STXBP6: variants seen among roughly 807,000 people sequenced by gnomAD.
The protein encoded by STXBP6 is syntaxin binding protein 6.
Under a neutral mutation model 26.9 loss-of-function variants are expected in STXBP6, and 21 were observed. The ratio of observed to expected loss-of-function variants is 0.78; its 90% CI spans 0.55 to 1.12. The LOEUF (loss-of-function observed/expected upper bound fraction) is 1.12, where lower values mean the gene tolerates loss of function less well. STXBP6 is among the 50% of genes most tolerant of loss of function. The probability of loss-of-function intolerance (pLI) is 0.00; values close to 1 mark genes in which losing one functional copy is unlikely to be tolerated. For synonymous variants in STXBP6, 97 were observed against 92.6 expected (o/e 1.05, Z -0.27); for missense variants, 232 against 257.9 (o/e 0.90, Z 0.69).
At chr14:24,831,297 A>G (rs182782085) in intron 4 of STXBP6, among the ~76,000 whole-genome samples, 38 of 152,260 alleles carry the variant, frequency 2.5e-4, no homozygotes, top group Admixed American at 7.8e-4. Flanking sequence ...TTATATTGTA[A>G]TTATCATTTT....
chr14:25,005,306 T>C (rs752045442), intron 1 of STXBP6, among the ~76,000 whole-genome samples: 22 of 152,100 alleles, frequency 1.4e-4, no homozygotes, highest in Non-Finnish European at 2.8e-4. Flanking sequence ...GGTATAACAA[T>C]TATGAGCAGA....
chr14:24,816,606 C>A (rs1343341332), intron 5 of STXBP6: 1 of 152,062 alleles, frequency 6.6e-6, no homozygotes, highest in Non-Finnish European at 1.5e-5. Flanking sequence ...CCACGCCTCA[C>A]CCCTCCCGAG....
At chr14:25,041,127 C>T (rs1014762100) in intron 1 of STXBP6, among the ~76,000 whole-genome samples, 10 of 152,048 alleles carry the variant, frequency 6.6e-5, no homozygotes, top group Admixed American at 6.6e-4. Context: ...TCGAGACCAG[C>T]CTGGCCAACA....
At position 25,000,284 on chromosome 14, in the gene STXBP6, C is replaced by T. The variant is rs528317851; in HGVS notation, c.-32-25434G>A. 2.0e-5 allele frequency among the ~76,000 whole-genome samples: 3 copies of T among 151,832 alleles called. No homozygotes were observed. The South Asian group carries it at 6.2e-4, about 32-fold the overall frequency. ...TTCACCATGTTAGCCAGGATGGTCT[C>T]GATCTCCTGACCTCGTGATACGCCC... On this transcript the variant is annotated intron_variant, in intron 1 of 5. Coordinates refer to ENST00000323944, the MANE Select transcript of STXBP6 (RefSeq NM_001394410.1).
At chr14:24,892,069 G>A (rs2070808318) in intron 2 of STXBP6, among the ~76,000 whole-genome samples, 1 of 152,142 alleles carries the variant, frequency 6.6e-6, no homozygotes, top group African/African-American at 2.4e-5. Flanking sequence ...AACTATATAT[G>A]TTTGAAATTA....
At chr14:25,013,466 T>A (rs1051500314) in intron 1 of STXBP6, among the ~76,000 whole-genome samples, 192 of 143,338 alleles carry the variant, frequency 1.3e-3, no homozygotes, top group African/African-American at 4.6e-3. Context: ...CATCTCTCTT[T>A]CACACACACA....
intron 1 of STXBP6, among the ~76,000 whole-genome samples, chr14:24,986,169 T>A (rs2140262151): frequency 6.6e-6 from 1 of 152,278 alleles, no homozygotes; most frequent in African/African-American, 2.4e-5. Flanking sequence ...TGAAATTAAG[T>A]GCTGAACTAG....
chr14:25,039,072 G>C lies in STXBP6; in HGVS notation c.-33+10806C>G, dbSNP rs570711891. Among the ~76,000 whole-genome samples, 356 of 152,188 alleles carry C rather than the reference G, an allele frequency of 2.3e-3. 2 individuals are homozygous for C. Among genetic ancestry groups the C allele is most frequent in the African/African-American group, 8.1e-3 (337 of 41,526 alleles). On this transcript the variant is annotated intron_variant, in intron 1 of 5. Coordinates refer to ENST00000323944, the MANE Select transcript of STXBP6 (RefSeq NM_001394410.1). ...AGGTAATGCATATGTTAACTAGCTT[G>C]ATTTAGTCATTCTACAACATATACA...
At chr14:24,882,344 A>C (rs888502060) in intron 2 of STXBP6, among the ~76,000 whole-genome samples, 19 of 116,728 alleles carry the variant, frequency 1.6e-4, no homozygotes, top group Middle Eastern at 5.7e-3. Context: ...CCGCCACTGC[A>C]CTCCAGCCTG....
At chr14:24,884,881 T>C (rs1279600371) in intron 2 of STXBP6, among the ~76,000 whole-genome samples, 1 of 152,252 alleles carries the variant, frequency 6.6e-6, no homozygotes, top group African/African-American at 2.4e-5. Flanking sequence ...TTTGCCTTTA[T>C]GTGTAAAGTC....
Position 24,991,566 on chromosome 14 carries a change from T to G in STXBP6, c.-32-16716A>C, listed in dbSNP as rs57055048. ...ATTGCCTGTTAGATGCTCAGTTCACTGAGCTTTTATCATCCCCAAGAGCAA... is the reference window on the plus strand; with the variant it reads ...ATTGCCTGTTAGATGCTCAGTTCACGGAGCTTTTATCATCCCCAAGAGCAA... On this transcript the variant is annotated intron_variant, in intron 1 of 5. Transcript: ENST00000323944. Among the ~76,000 whole-genome samples, 829 of 152,326 alleles carry G rather than the reference T, an allele frequency of 5.4e-3. 9 individuals are homozygous for G. Among genetic ancestry groups the G allele is most frequent in the African/African-American group, 0.019 (787 of 41,564 alleles).
At chr14:24,876,766 G>A (rs534259699) in intron 2 of STXBP6, among the ~76,000 whole-genome samples, 107 of 152,270 alleles carry the variant, frequency 7.0e-4, no homozygotes, top group Middle Eastern at 3.4e-3. Context: ...GTCTGCGAAG[G>A]CACTTACTGG....
At chr14:24,956,883 C>T (rs4983040) in intron 2 of STXBP6, among the ~76,000 whole-genome samples, 75,974 of 151,998 alleles carry the variant, frequency 0.5, 19,589 homozygotes, top group African/African-American at 0.63. Flanking sequence ...TCAGGTTGTG[C>T]ATCCCTCTGT....
intron 5 of STXBP6, chr14:24,816,481 G>C (rs2067979777): frequency 6.6e-6 from 1 of 152,008 alleles, no homozygotes; most frequent in African/African-American, 2.4e-5. Flanking sequence ...TCACACAACT[G>C]CAAGTCTGGC....
chr14:24,832,513 T>C (rs1262986590), intron 4 of STXBP6, among the ~76,000 whole-genome samples: 1 of 152,210 alleles, frequency 6.6e-6, no homozygotes, highest in Non-Finnish European at 1.5e-5. Context: ...TTGAAATTGA[T>C]ACAAAATCCC....
intron 2 of STXBP6, among the ~76,000 whole-genome samples, chr14:24,875,618 T>C (rs1304279957): frequency 6.6e-6 from 1 of 152,222 alleles, no homozygotes; most frequent in Non-Finnish European, 1.5e-5. Context: ...CTTTCCTAAA[T>C]TCCCCTGGAG....
intron 1 of STXBP6, among the ~76,000 whole-genome samples, chr14:24,982,552 G>A (rs2074225412): frequency 6.6e-6 from 1 of 152,174 alleles, no homozygotes; most frequent in Admixed American, 6.5e-5. Context: ...GGAAGGAAAC[G>A]AGGAATTGCT....
chr14:24,882,802 C>G (rs925557802), intron 2 of STXBP6, among the ~76,000 whole-genome samples: 2 of 152,222 alleles, frequency 1.3e-5, no homozygotes, highest in Non-Finnish European at 2.9e-5. Flanking sequence ...TATAATCCTT[C>G]ATACATAATC....
chr14:24,883,116 T>A lies in STXBP6; in HGVS notation c.155-25959A>T, dbSNP rs1432390508. 2.0e-5 allele frequency among the ~76,000 whole-genome samples: 3 copies of A among 152,200 alleles called. No homozygotes were observed. The East Asian group carries it at 5.8e-4, about 29-fold the overall frequency. On this transcript the variant is annotated intron_variant, in intron 2 of 5. Coordinates refer to ENST00000323944, the MANE Select transcript of STXBP6 (RefSeq NM_001394410.1). ...TTTAGTGACATGGAAAGATGTTCAT[T>A]TAGAAAAGGAAATTATGAAACAATA...
Sources: gnomAD v4.1 joint callset for allele counts (sites outside exome capture counted in the v4.1 genomes callset) on GRCh38, gnomAD v4.1.1 for gene constraint, MANE v1.5 for transcripts, NCBI Gene and HGNC (gene_info 2026-07-23, HGNC 2026-07-21) for gene names.